OCSTAMP: variants seen among roughly 807,000 people sequenced by gnomAD.
OCSTAMP encodes the protein transmembrane protein C20orf123.
A neutral mutation model predicts 25.2 loss-of-function variants in OCSTAMP; 17 were observed. That is an observed-to-expected ratio of 0.68 (90% CI 0.46 to 1.01). The LOEUF is 1.01. OCSTAMP is among the 50% of genes least tolerant of loss of function. The pLI is 0.00. For synonymous variants in OCSTAMP, 345 were observed against 318.9 expected (o/e 1.08, Z -0.87); for missense variants, 664 against 694.6 (o/e 0.96, Z 0.50).
chr20:46,546,198 G>A lies in OCSTAMP; in HGVS notation c.176C>T (p.Ala59Val), dbSNP rs773325335. ...ATAAACCAGACCTGCAGCAGCAGCA[G>A]CCAGGGAGGCACACAGGAGGAGCTG... ...LTQLLLCASL[A>V]AAAAGLVYHW... Residue 59 changes from alanine (A) to valine (V), a missense_variant, in exon 2 of 3, where the codon GCT (alanine) becomes GTT (valine). Coordinates refer to ENST00000279028, the MANE Select transcript of OCSTAMP (RefSeq NM_080721.3). The A allele has an allele frequency of 3.1e-4, 487 of 1,551,728 alleles. 2 individuals are homozygous for A. The highest frequency in any genetic ancestry group is 4.1e-4 in the Non-Finnish European group (469 of 1,147,034).
At chr20:46,549,327 C>T (rs540882178) in intron 1 of OCSTAMP, among the ~76,000 whole-genome samples, 3 of 152,332 alleles carry the variant, frequency 2.0e-5, no homozygotes, top group South Asian at 2.1e-4. Context: ...ATGTTTCACT[C>T]GAGTCTCCTC....
intron 2 of OCSTAMP, 96 bp from the exon 3 acceptor site, chr20:46,542,023 G>A: frequency 7.4e-7 from 1 of 1,354,850 alleles, no homozygotes; most frequent in Non-Finnish European, 9.4e-7. Flanking sequence ...GCCTTCATCT[G>A]CAAAATGGTT....
intron 2 of OCSTAMP, among the ~76,000 whole-genome samples, chr20:46,543,275 C>CTCTTTCTCTT (rs2098362827): frequency 7.4e-6 from 1 of 135,434 alleles, no homozygotes; most frequent in Non-Finnish European, 1.6e-5. Context: ...TTTTCTTTCT[C>CTCTTTCTCTT]TCTTTCTCTT....
chr20:46,541,292 C>A lies in OCSTAMP; in HGVS notation c.1683G>T (p.Gly561=). 1.4e-6 allele frequency: 1 copy of A among 723,916 alleles called. No homozygotes were observed. Among genetic ancestry groups the A allele is most frequent in the Non-Finnish European group, 2.6e-6 (1 of 389,958 alleles). The allele number at this position is 723,916 out of a possible 1,614,324, so 44.8% of individuals were successfully genotyped here. ...TTACCGGTTATCCAGGCCTATCATG[C>A]CCAGTATTTCCTTCCATCCTGACCA... ...RDVVRMEGNT[G]HDRPG is the part of the protein sequence containing the mutation. Residue 561 remains glycine (G), a synonymous_variant, in exon 3 of 3, where the codon GGG becomes GGT. Transcript: ENST00000279028.
In OCSTAMP at chr20:46,541,784, G is replaced by A; in HGVS notation, c.1191C>T (p.Pro397=). The A allele has an allele frequency of 6.7e-7, 1 of 1,502,104 alleles. No individual in the cohort carries two copies. The highest frequency in any genetic ancestry group is 8.9e-7 in the Non-Finnish European group (1 of 1,128,734). The allele number at this position is 1,502,104 out of a possible 1,614,324, so 93.0% of individuals were successfully genotyped here. A position where few individuals can be genotyped will look rare whatever the true frequency, so the allele number is the denominator to read the frequency against. Residue 397 remains proline (P), a synonymous_variant, in exon 3 of 3, where the codon CCC becomes CCT. Transcript: ENST00000279028. ...CCGCGGCCAGCGGGGCAGCTGCGCGGGGACGCCGGGCGGGTAGCAGTGGGC... is the reference window on the plus strand; with the variant it reads ...CCGCGGCCAGCGGGGCAGCTGCGCGAGGACGCCGGGCGGGTAGCAGTGGGC... ...ARCPLLPARR[P]RAAAPLAAGA... is the part of the protein sequence containing the mutation.
chr20:46,550,282 G>A (rs937507843), intron 1 of OCSTAMP, among the ~76,000 whole-genome samples: 5 of 152,310 alleles, frequency 3.3e-5, no homozygotes, highest in Admixed American at 1.3e-4. Context: ...GAGCCAAGCA[G>A]GTGCCAAGTA....
chr20:46,544,335 A>T (rs2061844614), intron 2 of OCSTAMP, among the ~76,000 whole-genome samples: 1 of 152,268 alleles, frequency 6.6e-6, no homozygotes. Flanking sequence ...CCTAAGATGT[A>T]ATCTTATAAT....
chr20:46,548,663 A>G (rs887101508), intron 1 of OCSTAMP, among the ~76,000 whole-genome samples: 1 of 152,204 alleles, frequency 6.6e-6, no homozygotes, highest in Non-Finnish European at 1.5e-5. Flanking sequence ...CAGAAAGGTT[A>G]TACGGGAATA....
chr20:46,541,780 C>G lies in OCSTAMP; in HGVS notation c.1195G>C (p.Ala399Pro), dbSNP rs2061835300. 6.6e-7 allele frequency: 1 copy of G among 1,505,284 alleles called. No homozygotes were observed. The highest frequency in any genetic ancestry group is 2.4e-5 in the Admixed American group (1 of 41,694). The allele number at this position is 1,505,284 out of a possible 1,614,324, so 93.2% of individuals were successfully genotyped here. Reference sequence around the variant, plus strand: ...GCCCCCGCGGCCAGCGGGGCAGCTGCGCGGGGACGCCGGGCGGGTAGCAGT... The same window carrying G: ...GCCCCCGCGGCCAGCGGGGCAGCTGGGCGGGGACGCCGGGCGGGTAGCAGT... ...CPLLPARRPRAAAPLAAGALQ... is the reference protein window; with the variant it reads ...CPLLPARRPRPAAPLAAGALQ... The change falls in exon 3 of 3, where the codon GCA becomes CCA. Residue 399 changes from alanine (A) to proline (P), a missense_variant. Transcript: ENST00000279028.
intron 1 of OCSTAMP, among the ~76,000 whole-genome samples, chr20:46,546,867 C>A (rs986462612): frequency 6.6e-6 from 1 of 152,120 alleles, no homozygotes; most frequent in Middle Eastern, 3.4e-3. Context: ...ATTCTATCAT[C>A]CTTATATTTA....
rs1455588568 is a variant in OCSTAMP at position 46,545,857 on chromosome 20, C to T, written c.517G>A (p.Ala173Thr). ...TTHQLHAASR[A>T]LGPTGQAGSR... ...CCTGCCTGGCCTGTGGGGCCCAGAG[C>T]CCTGGATGCTGCATGCAGCTGGTGA... Residue 173 changes from alanine to threonine, a missense_variant, in exon 2 of 3, where the codon GCT becomes ACT. By Grantham distance (58) the Ala-to-Thr change is moderately conservative. Transcript: ENST00000279028. 1.3e-6 allele frequency: 2 copies of T among 1,551,230 alleles called. No homozygotes were observed. The highest frequency in any genetic ancestry group is 1.7e-6 in the Non-Finnish European group (2 of 1,146,996).
chr20:46,550,624 G>A lies in OCSTAMP; in HGVS notation c.-64C>T, dbSNP rs2061868117. The stretch of plus-strand genomic sequence containing the variant: ...GGCAGCTGTGGCAGGTGGAGAGGAA[G>A]TGGGGGAATCGCTGGGACTTGGGAA... On this transcript the variant is annotated 5_prime_UTR_variant, in exon 1 of 3. Transcript: ENST00000279028. 6.8e-7 allele frequency: 1 copy of A among 1,466,070 alleles called. No homozygotes were observed. The highest frequency in any genetic ancestry group is 1.4e-5 in the African/African-American group (1 of 71,378). 90.8% of individuals were successfully genotyped at this position (1,466,070 alleles called of 1,614,324 possible).
chr20:46,549,806 C>CTGTGTG (rs767000638), intron 1 of OCSTAMP, among the ~76,000 whole-genome samples: 4 of 142,468 alleles, frequency 2.8e-5, no homozygotes, highest in Non-Finnish European at 3.1e-5. Context: ...TTGTGGCCCA[C>CTGTGTG]TCTGTGTGTG....
At chr20:46,548,602 C>T (rs2061860583) in intron 1 of OCSTAMP, among the ~76,000 whole-genome samples, 1 of 152,152 alleles carries the variant, frequency 6.6e-6, no homozygotes, top group Admixed American at 6.5e-5. Flanking sequence ...CTGGGCAACA[C>T]TGAGGCCCAC....
Position 46,545,460 on chromosome 20 carries a change from A to G in OCSTAMP, c.914T>C (p.Leu305Pro). ...ELLSCLLRLG[L>P]LALLLVATAV... is the part of the protein sequence containing the mutation. The stretch of plus-strand genomic sequence containing the variant: ...CGTGGCCACGAGGAGCAGGGCAAGC[A>G]GCCCCAGCCTTAGAAGACAACTCAA... The change falls in exon 2 of 3, where the codon CTG (leucine) becomes CCG (proline). Residue 305 changes from leucine (L) to proline (P), a missense_variant. By Grantham distance (98) the Leu-to-Pro change is moderately conservative (BLOSUM62 -3). Transcript: ENST00000279028. 1 of 1,551,466 alleles carries G rather than the reference A, an allele frequency of 6.4e-7. No individual in the cohort carries two copies. Among genetic ancestry groups the G allele is most frequent in the Non-Finnish European group, 8.7e-7 (1 of 1,146,958 alleles).
chr20:46,543,287 CTTTCTCTCTTTCTCTTTCCTTT>C (rs1568897068), intron 2 of OCSTAMP, among the ~76,000 whole-genome samples: 1 of 105,850 alleles, frequency 9.4e-6, no homozygotes, highest in African/African-American at 4.2e-5. Flanking sequence ...CTTTCTCTTT[CTTTCTCTCTTTCTCTTTCCTTT>C]CTTTCTTTCT....
intron 2 of OCSTAMP, among the ~76,000 whole-genome samples, chr20:46,544,043 T>TA (rs990843345): frequency 6.6e-6 from 1 of 151,962 alleles, no homozygotes; most frequent in Admixed American, 6.6e-5. Context: ...ACACCATCTC[T>TA]AAAAAAAATA....
intron 2 of OCSTAMP, among the ~76,000 whole-genome samples, chr20:46,544,999 T>G (rs574806840): frequency 3.7e-4 from 56 of 152,256 alleles, no homozygotes; most frequent in African/African-American, 1.3e-3. Flanking sequence ...CCTTTTAGGA[T>G]TAGGAGGATC....
At position 46,550,571 on chromosome 20, in the gene OCSTAMP, T is replaced by C; in HGVS notation, c.-11A>G. The C allele has an allele frequency of 6.4e-7, 1 of 1,551,648 alleles. No individual in the cohort carries two copies. Among genetic ancestry groups the C allele is most frequent in the Non-Finnish European group, 8.7e-7 (1 of 1,146,938 alleles). On this transcript the variant is annotated 5_prime_UTR_variant, in exon 1 of 3. Coordinates refer to ENST00000279028, the MANE Select transcript of OCSTAMP (RefSeq NM_080721.3). ...TGGGTGGCCTGGCATGCTGTCCAAA[T>C]GGCAGTGGTTTCAGGCGGGCGGTCG...
Sources: allele counts gnomAD v4.1 joint callset (sites outside exome capture counted in the v4.1 genomes callset), GRCh38; gene constraint gnomAD v4.1.1; transcripts MANE v1.5; gene names NCBI Gene and HGNC (gene_info 2026-07-23, HGNC 2026-07-21).